The following THSD7A variants were observed in gnomAD, a reference collection of about 807,000 sequenced individuals.
The protein encoded by THSD7A is thrombospondin type 1 domain containing 7A, also known as thrombospondin type-1 domain-containing protein 7A.
THSD7A carries 96 observed loss-of-function variants against 231.3 expected under a neutral mutation model. That is an observed-to-expected ratio of 0.41 (90% CI 0.35 to 0.49). The LOEUF is 0.49. THSD7A is among the 20% of genes least tolerant of loss of function. The pLI is 0.05. For synonymous variants in THSD7A, 940 were observed against 743.3 expected, an observed-to-expected ratio of 1.26 and a Z score of -4.30; for missense variants, 2,290 against 2,070.2, an observed-to-expected ratio of 1.11 and a Z score of -2.06.
chr7:11,761,532 T>C (rs1157341040), intron 1 of THSD7A, among the ~76,000 whole-genome samples: 1 of 152,166 alleles, frequency 6.6e-6, no homozygotes, highest in Non-Finnish European at 1.5e-5. Context: ...ATGTAATGCA[T>C]ACATTGTGTG....
intron 4 of THSD7A, among the ~76,000 whole-genome samples, chr7:11,546,904 A>G (rs1418248578): frequency 2.0e-5 from 3 of 151,618 alleles, no homozygotes; most frequent in Admixed American, 6.6e-5. Flanking sequence ...TAAGAATTTC[A>G]TAACACAATT....
At chr7:11,737,308 G>A (rs1418054342) in intron 1 of THSD7A, among the ~76,000 whole-genome samples, 1 of 151,858 alleles carries the variant, frequency 6.6e-6, no homozygotes, top group Non-Finnish European at 1.5e-5. Context: ...TGGTGGTGGT[G>A]AGGGATGAAA....
chr7:11,647,199 T>G (rs750985073), intron 1 of THSD7A, among the ~76,000 whole-genome samples: 2 of 152,020 alleles, frequency 1.3e-5, no homozygotes, highest in East Asian at 1.9e-4. Flanking sequence ...ACTCTCTCCC[T>G]CAATATTATG....
intron 4 of THSD7A, among the ~76,000 whole-genome samples, chr7:11,548,050 A>AT (rs1789471248): frequency 6.6e-6 from 1 of 152,162 alleles, no homozygotes; most frequent in African/African-American, 2.4e-5. Context: ...AAAACCCACA[A>AT]GCAAAACAAT....
chr7:11,815,870 C>T (rs903353174), intron 1 of THSD7A, among the ~76,000 whole-genome samples: 4 of 152,068 alleles, frequency 2.6e-5, no homozygotes, highest in Admixed American at 2.0e-4. Flanking sequence ...CACCCTTCTT[C>T]CCACCCCAAA....
intron 11 of THSD7A, among the ~76,000 whole-genome samples, chr7:11,448,505 C>T (rs916229505): frequency 1.3e-5 from 2 of 152,198 alleles, no homozygotes; most frequent in South Asian, 2.1e-4. Context: ...CTGAAACTGC[C>T]GCTGATCTCT....
At chr7:11,773,871 A>G (rs1046959880) in intron 1 of THSD7A, among the ~76,000 whole-genome samples, 2 of 152,202 alleles carry the variant, frequency 1.3e-5, no homozygotes, top group Non-Finnish European at 2.9e-5. Context: ...ATAAGAAAAA[A>G]CAATCTAACC....
intron 1 of THSD7A, among the ~76,000 whole-genome samples, chr7:11,709,601 T>G (rs1342803114): frequency 1.3e-5 from 2 of 150,914 alleles, no homozygotes; most frequent in Non-Finnish European, 3.0e-5. Context: ...GATACACTAT[T>G]TTAAAAAATA....
At chr7:11,587,086 A>G (rs180855415) in intron 4 of THSD7A, among the ~76,000 whole-genome samples, 87 of 152,272 alleles carry the variant, frequency 5.7e-4, no homozygotes, top group Admixed American at 2.6e-3. Flanking sequence ...AAATGGAAGA[A>G]TTTCTTGAGT....
chr7:11,518,613 A>ACG (rs1252117758), intron 6 of THSD7A, among the ~76,000 whole-genome samples: 1 of 151,732 alleles, frequency 6.6e-6, no homozygotes, highest in Non-Finnish European at 1.5e-5. Flanking sequence ...ACACACACAC[A>ACG]CACACACGCA....
At chr7:11,723,696 A>G (rs946634951) in intron 1 of THSD7A, among the ~76,000 whole-genome samples, 6 of 151,838 alleles carry the variant, frequency 4.0e-5, no homozygotes, top group Admixed American at 1.3e-4. Context: ...CTAGCCACTT[A>G]TCTACATCAG....
intron 1 of THSD7A, among the ~76,000 whole-genome samples, chr7:11,644,924 C>T (rs1000647509): frequency 1.3e-5 from 2 of 151,876 alleles, no homozygotes; most frequent in African/African-American, 4.8e-5. Context: ...TTCACATTTT[C>T]ATGTGACAGT....
intron 1 of THSD7A, among the ~76,000 whole-genome samples, chr7:11,699,809 A>G (rs977092295): frequency 1.3e-5 from 2 of 151,258 alleles, no homozygotes; most frequent in South Asian, 2.1e-4. Flanking sequence ...GACTTATTGA[A>G]TCTCATGTAA....
chr7:11,414,393 T>C (rs950583214), intron 17 of THSD7A, among the ~76,000 whole-genome samples: 3 of 152,244 alleles, frequency 2.0e-5, no homozygotes, highest in African/African-American at 7.2e-5. Flanking sequence ...CTTTGTTTTT[T>C]ATAAATATTC....
chr7:11,636,235 C>G lies in THSD7A; in HGVS notation c.917G>C (p.Arg306Thr). Residue 306 changes from arginine to threonine, a missense_variant, in exon 2 of 28, where the codon AGA becomes ACA. Transcript: ENST00000423059. The surrounding 1 kb of genome is among the most constrained non-coding windows in gnomAD (Gnocchi z 10.0). The part of the protein sequence containing the change: ...ARELIKKKRN[R>T]NRQNRQENKY... ...GTTCTCTTGTCTGTTCTGCCTGTTT[C>G]TGTTTCTCTTTTTCTTAATAAGCTC... 1 of 1,614,016 alleles carries G rather than the reference C, an allele frequency of 6.2e-7. No individual in the cohort carries two copies.
chr7:11,798,706 TCTAA>T (rs1056425001), intron 1 of THSD7A, among the ~76,000 whole-genome samples: 2 of 152,184 alleles, frequency 1.3e-5, no homozygotes, highest in African/African-American at 4.8e-5. Context: ...AAAGTTGGTA[TCTAA>T]CTGATGATTC....
intron 6 of THSD7A, among the ~76,000 whole-genome samples, chr7:11,527,443 T>C (rs1453399058): frequency 2.0e-5 from 3 of 152,182 alleles, no homozygotes; most frequent in Non-Finnish European, 4.4e-5. Flanking sequence ...ACTGTCTCTC[T>C]GTTGGGCTAA....
Position 11,735,621 on chromosome 7 carries a change from G to T in THSD7A, c.190+96136C>A, listed in dbSNP as rs139086594. On this transcript the variant is annotated intron_variant, in intron 1 of 27. Coordinates refer to ENST00000423059, the MANE Select transcript of THSD7A (RefSeq NM_015204.3). ...AAACATTTCTGGTGATAAATATTTT[G>T]GATAAAATATACACAACTTGTGGTA... Among the ~76,000 whole-genome samples, 1,168 of 151,862 alleles carry T rather than the reference G, an allele frequency of 7.7e-3. 16 individuals carry two copies. Among genetic ancestry groups the T allele is most frequent in the African/African-American group, 0.025 (1,034 of 41,458 alleles).
intron 1 of THSD7A, among the ~76,000 whole-genome samples, chr7:11,698,816 AAACT>A (rs1780480673): frequency 6.6e-6 from 1 of 151,404 alleles, no homozygotes; most frequent in South Asian, 2.1e-4. Context: ...TTAATTATAG[AAACT>A]AACAGTTCTC....
Sources: allele counts gnomAD v4.1 joint callset (sites outside exome capture counted in the v4.1 genomes callset), GRCh38; gene constraint gnomAD v4.1.1; non-coding constraint Gnocchi (gnomAD v3.1); transcripts MANE v1.5; gene names NCBI Gene and HGNC (gene_info 2026-07-23, HGNC 2026-07-21).